The following CAPN7 variants were observed in gnomAD, a reference collection of about 807,000 sequenced individuals.
CAPN7 encodes calpain 7, also known as calpain-7.
CAPN7 carries 72 observed loss-of-function variants against 115.2 expected under a neutral mutation model. That is an observed-to-expected ratio of 0.63 (90% CI 0.52 to 0.76). The LOEUF (loss-of-function observed/expected upper bound fraction) is 0.76, where lower values mean the gene tolerates loss of function less well. Ranked by LOEUF, CAPN7 falls within the 30% of genes least tolerant of loss-of-function variation. The pLI, the probability that CAPN7 is intolerant of heterozygous loss-of-function variation, is 0.00. For missense variants in CAPN7, 905 were observed against 971.5 expected (o/e 0.93, Z 0.91); for synonymous variants, 344 against 322.3 (o/e 1.07, Z -0.72).
At chr3:15,249,025 C>CAAAAAAAAAAAAAAAAAAAA (rs59492817) in intron 19 of CAPN7, among the ~76,000 whole-genome samples, 12 of 130,788 alleles carry the variant, frequency 9.2e-5, no homozygotes, top group Non-Finnish European at 1.1e-4. Flanking sequence ...AAAAAAAAAA[C>CAAAAAAAAAAAAAAAAAAAA]AAAAACAGAA....
intron 6 of CAPN7, among the ~76,000 whole-genome samples, chr3:15,227,090 A>G (rs142324316): frequency 6.6e-6 from 1 of 151,026 alleles, no homozygotes; most frequent in Non-Finnish European, 1.5e-5. Context: ...CCTGGGCAAC[A>G]TATGGAGACC....
At chr3:15,219,385 C>T (rs1350020128) in intron 4 of CAPN7, among the ~76,000 whole-genome samples, 2 of 152,166 alleles carry the variant, frequency 1.3e-5, no homozygotes, top group Non-Finnish European at 2.9e-5. Context: ...CTGTACCACC[C>T]CAAGCCCTTC....
chr3:15,250,680 T>A (rs1488985570), intron 19 of CAPN7, among the ~76,000 whole-genome samples: 3 of 151,986 alleles, frequency 2.0e-5, no homozygotes, highest in Admixed American at 1.3e-4. Context: ...TCAAAAAAAA[T>A]AAAATATTTC....
intron 6 of CAPN7, among the ~76,000 whole-genome samples, chr3:15,224,031 C>G (rs939924762): frequency 5.9e-5 from 9 of 152,142 alleles, no homozygotes; most frequent in Admixed American, 1.3e-4. Context: ...GTTCAGGAGT[C>G]CGAGCTTGTA....
In CAPN7 at chr3:15,250,819, G is replaced by A. The variant is rs147333396; in HGVS notation, c.2205-112G>A. On this transcript the variant is annotated intron_variant, in intron 19 of 20. Transcript: ENST00000253693. The stretch of plus-strand genomic sequence containing the variant: ...AAAATAGAGTGTGTATGTTTCTACT[G>A]AAACTTCAGAAACATAAACTTAGTA... The A allele has an allele frequency of 2.0e-4, 146 of 735,630 alleles. 1 individual carries two copies. In the East Asian group the frequency reaches 3.4e-3, roughly 17 times the overall value. 45.6% of individuals were successfully genotyped at this position (735,630 alleles called of 1,614,324 possible). A position where few individuals can be genotyped will look rare whatever the true frequency, so the allele number is the denominator to read the frequency against.
At chr3:15,240,656 CAAAA>C (rs753810405) in intron 13 of CAPN7, 39 bp downstream of exon 13, 1 of 1,506,778 alleles carries the variant, frequency 6.6e-7, no homozygotes, top group Non-Finnish European at 9.0e-7. Context: ...ATTTATTCTT[CAAAA>C]AAAAACATGT....
Position 15,245,481 on chromosome 3 carries a change from G to A in CAPN7, c.1865-45G>A, listed in dbSNP as rs1695603645. On this transcript the variant is annotated intron_variant, in intron 16 of 20. Coordinates refer to ENST00000253693, the MANE Select transcript of CAPN7 (RefSeq NM_014296.3). Reference sequence around the variant, plus strand: ...TTCCTACATCAACCATAAAATTAAAGAAAGAAAAGTCTCCTTTTCTCTAAG... The same window carrying A: ...TTCCTACATCAACCATAAAATTAAAAAAAGAAAAGTCTCCTTTTCTCTAAG... 6 of 1,561,444 alleles carry A rather than the reference G, an allele frequency of 3.8e-6. No homozygotes were observed. The East Asian group carries it at 1.1e-4, about 30-fold the overall frequency.
chr3:15,235,290 C>G lies in CAPN7; in HGVS notation c.1407+145C>G, dbSNP rs543629231. 1.1e-4 allele frequency: 73 copies of G among 663,036 alleles called. No individual in the cohort carries two copies. The African/African-American group carries it at 1.3e-3, about 12-fold the overall frequency. 41.1% of individuals were successfully genotyped at this position (663,036 alleles called of 1,614,324 possible). ...CATTTCACCTACATTAACTTGATCTCTACCGTTGAAAATTATGAAATTAAA... is the reference window on the plus strand; with the variant it reads ...CATTTCACCTACATTAACTTGATCTGTACCGTTGAAAATTATGAAATTAAA... On this transcript the variant is annotated intron_variant, in intron 12 of 20. Coordinates refer to ENST00000253693, the MANE Select transcript of CAPN7 (RefSeq NM_014296.3).
chr3:15,223,342 T>C (rs1311411262), intron 5 of CAPN7, 133 bp from the exon 6 acceptor site: 16 of 631,120 alleles, frequency 2.5e-5, no homozygotes, highest in African/African-American at 1.1e-4. Flanking sequence ...TCCAAAGATA[T>C]ATCAACAACA....
chr3:15,240,897 A>G (rs377285148), intron 14 of CAPN7, 44 bp downstream of exon 14: 2 of 1,187,510 alleles, frequency 1.7e-6, no homozygotes, highest in Non-Finnish European at 2.5e-6. Context: ...AATAGCATCC[A>G]CTTTCCTCAC....
At chr3:15,209,611 G>C (rs949688686) in intron 1 of CAPN7, among the ~76,000 whole-genome samples, 25 of 152,282 alleles carry the variant, frequency 1.6e-4, no homozygotes, top group African/African-American at 5.8e-4. Context: ...TTTATGTTTA[G>C]AGAGTTTTGG....
At chr3:15,209,321 T>C (rs1575149126) in intron 1 of CAPN7, among the ~76,000 whole-genome samples, 2 of 152,206 alleles carry the variant, frequency 1.3e-5, no homozygotes, top group East Asian at 3.8e-4. Context: ...ATTTTTTTCT[T>C]TTTTTATTGA....
rs924690111 is a variant in CAPN7 at position 15,251,348 on chromosome 3, C to T, written c.*88C>T. The T allele has an allele frequency of 4.5e-6, 5 of 1,102,038 alleles. No homozygotes were observed. The highest frequency in any genetic ancestry group is 6.5e-6 in the Non-Finnish European group (5 of 765,512). 68.3% of individuals were successfully genotyped at this position (1,102,038 alleles called of 1,614,324 possible). On this transcript the variant is annotated 3_prime_UTR_variant, in exon 21 of 21. Coordinates refer to ENST00000253693, the MANE Select transcript of CAPN7 (RefSeq NM_014296.3). Reference sequence around the variant, plus strand: ...CAAATCTTCAGGACAGTAAGCAGAACAATCAGAATGGAATTAAATCTCTAA... The same window carrying T: ...CAAATCTTCAGGACAGTAAGCAGAATAATCAGAATGGAATTAAATCTCTAA...
chr3:15,213,776 A>G (rs1179531840), intron 2 of CAPN7, among the ~76,000 whole-genome samples: 1 of 152,246 alleles, frequency 6.6e-6, no homozygotes, highest in Non-Finnish European at 1.5e-5. Flanking sequence ...TTTTTGGGAA[A>G]TAAATTCTAA....
At chr3:15,240,405 A>T in intron 12 of CAPN7, 68 bp from the exon 13 acceptor site, 1 of 1,387,360 alleles carries the variant, frequency 7.2e-7, no homozygotes, top group South Asian at 1.3e-5. Context: ...TCATCCTCTA[A>T]TAAGAGAACT....
intron 17 of CAPN7, chr3:15,246,129 G>A (rs1019160009): frequency 1.9e-5 from 3 of 154,484 alleles, no homozygotes; most frequent in African/African-American, 7.3e-5. Flanking sequence ...GTAGAGATGG[G>A]GTATCACCAT....
Position 15,235,049 on chromosome 3 carries a change from C to T in CAPN7, c.1311C>T (p.Ile437=). 6.2e-7 allele frequency: 1 copy of T among 1,613,166 alleles called. No homozygotes were observed. The highest frequency in any genetic ancestry group is 8.5e-7 in the Non-Finnish European group (1 of 1,179,386). Residue 437 remains isoleucine, a synonymous_variant, in exon 12 of 21, where the codon ATC becomes ATT. Coordinates refer to ENST00000253693, the MANE Select transcript of CAPN7 (RefSeq NM_014296.3). ...GATTTCACAAAGGAGATGTCCTCAT[C>T]ACTGCGTCAACTGGAATGATGACAG... ...YQRFHKGDVL[I]TASTGMMTEA... is the part of the protein sequence containing the mutation.
At chr3:15,221,871 A>G (rs1694011112) in intron 5 of CAPN7, among the ~76,000 whole-genome samples, 1 of 151,906 alleles carries the variant, frequency 6.6e-6, no homozygotes, top group African/African-American at 2.4e-5. Context: ...TGGGAGGATC[A>G]CTTGAGCCCA....
intron 17 of CAPN7, 118 bp from the exon 18 acceptor site, chr3:15,246,614 C>A: frequency 1.4e-6 from 1 of 708,564 alleles, no homozygotes; most frequent in South Asian, 1.7e-5. Flanking sequence ...TGATACTAGG[C>A]TGCCTATAAT....
Sources: allele counts gnomAD v4.1 joint callset (sites outside exome capture counted in the v4.1 genomes callset), GRCh38; gene constraint gnomAD v4.1.1; transcripts MANE v1.5; gene names NCBI Gene and HGNC (gene_info 2026-07-23, HGNC 2026-07-21).